SLC6A11: variants seen among roughly 807,000 people sequenced by gnomAD.
SLC6A11 encodes sodium- and chloride-dependent GABA transporter 3.
Under a neutral mutation model 74.8 loss-of-function variants are expected in SLC6A11, and 25 were observed. The observed-to-expected ratio is 0.33, with a 90% CI of 0.24 to 0.47. The LOEUF is 0.47. Ranked by LOEUF, SLC6A11 falls within the 20% of genes least tolerant of loss-of-function variation. The pLI is 1.00. For missense variants in SLC6A11, 574 were observed against 837.0 expected (o/e 0.69, Z 3.88); for synonymous variants, 330 against 330.2 (o/e 1.00, Z 0.01).
chr3:10,915,208 G>T lies in SLC6A11; in HGVS notation c.995+3015G>T, dbSNP rs542423365. Among the ~76,000 whole-genome samples the T allele has an allele frequency of 6.6e-6, 1 of 152,216 alleles. No individual in the cohort carries two copies. Among genetic ancestry groups the T allele is most frequent in the South Asian group, 2.1e-4 (1 of 4,816 alleles). ...CAGCTACTGGAGTTGAAGAGGGTTT[G>T]GCCAAAACTGCCTTGTCTCCAGCCT... is the stretch of plus-strand genomic sequence containing the variant. On this transcript the variant is annotated intron_variant, in intron 7 of 13. Transcript: ENST00000254488. This position sits in a 1 kb window ranked among gnomAD's most constrained non-coding sequence, Gnocchi z 4.3.
chr3:10,931,631 C>T (rs148969122), intron 10 of SLC6A11, among the ~76,000 whole-genome samples: 530 of 152,296 alleles, frequency 3.5e-3, no homozygotes, highest in Non-Finnish European at 5.6e-3. Context: ...TACAAATCTG[C>T]GTTTCTGGTG....
At chr3:10,822,705 A>G (rs180776201) in intron 3 of SLC6A11, among the ~76,000 whole-genome samples, 1 of 152,332 alleles carries the variant, frequency 6.6e-6, no homozygotes, top group African/African-American at 2.4e-5. Context: ...CTGGGACATC[A>G]AATTTCGTGA....
At position 10,837,544 on chromosome 3, in the gene SLC6A11, T is replaced by C. The variant is rs187315704; in HGVS notation, c.624-6670T>C. Reference sequence around the variant, plus strand: ...GCCTGAGCCACAGTTTCCTTATCTGTAGAGTGGAAATAATAGCTGTCCTCA... The same window carrying C: ...GCCTGAGCCACAGTTTCCTTATCTGCAGAGTGGAAATAATAGCTGTCCTCA... On this transcript the variant is annotated intron_variant, in intron 4 of 13. Coordinates refer to ENST00000254488, the MANE Select transcript of SLC6A11 (RefSeq NM_014229.3). Among the ~76,000 whole-genome samples, 760 of 152,276 alleles carry C rather than the reference T, an allele frequency of 5.0e-3. 1 individual carries two copies. Among genetic ancestry groups the C allele is most frequent in the Non-Finnish European group, 7.0e-3 (473 of 68,024 alleles).
chr3:10,859,731 A>G (rs1694681181), intron 5 of SLC6A11, among the ~76,000 whole-genome samples: 1 of 152,222 alleles, frequency 6.6e-6, no homozygotes, highest in East Asian at 1.9e-4. Flanking sequence ...CCAAAATGAG[A>G]AACCTCTAAT....
At chr3:10,843,966 C>T (rs1016959923) in intron 4 of SLC6A11, among the ~76,000 whole-genome samples, 4 of 152,210 alleles carry the variant, frequency 2.6e-5, no homozygotes, top group South Asian at 2.1e-4. Flanking sequence ...GCCCTTTCCA[C>T]GCTGTTCTTG....
At chr3:10,904,760 G>A (rs1013101137) in intron 6 of SLC6A11, among the ~76,000 whole-genome samples, 1 of 152,126 alleles carries the variant, frequency 6.6e-6, no homozygotes, top group Non-Finnish European at 1.5e-5. Flanking sequence ...GGCCTACTCA[G>A]CAGACCAGGA....
chr3:10,889,963 A>G (rs1327825370), intron 6 of SLC6A11, among the ~76,000 whole-genome samples: 1 of 152,208 alleles, frequency 6.6e-6, no homozygotes, highest in East Asian at 1.9e-4. Context: ...TCCCTTCAAC[A>G]ATTTCCACTT....
At chr3:10,841,953 C>T (rs558804005) in intron 4 of SLC6A11, among the ~76,000 whole-genome samples, 13 of 152,326 alleles carry the variant, frequency 8.5e-5, no homozygotes, top group African/African-American at 2.9e-4. Flanking sequence ...TGGGCTGTTT[C>T]CGTCAGCAGC....
At chr3:10,916,309 T>C (rs73812336) in intron 7 of SLC6A11, among the ~76,000 whole-genome samples, 2,640 of 152,268 alleles carry the variant, frequency 0.017, 83 homozygotes, top group African/African-American at 0.06. Context: ...GAAGAGTTAT[T>C]TGAAGGGACC....
intron 7 of SLC6A11, among the ~76,000 whole-genome samples, chr3:10,913,725 G>T (rs764843444): frequency 6.6e-6 from 1 of 152,044 alleles, no homozygotes; most frequent in East Asian, 1.9e-4. Flanking sequence ...ACGGAGTCTC[G>T]CTCAGTCACC....
intron 5 of SLC6A11, among the ~76,000 whole-genome samples, chr3:10,849,588 T>C (rs1488769807): frequency 1.3e-5 from 2 of 152,188 alleles, no homozygotes; most frequent in Non-Finnish European, 2.9e-5. Flanking sequence ...CCCTAGCACC[T>C]CCAGAATGAA....
intron 7 of SLC6A11, among the ~76,000 whole-genome samples, chr3:10,913,497 T>G (rs1458463877): frequency 2.0e-5 from 3 of 152,244 alleles, no homozygotes; most frequent in Non-Finnish European, 2.9e-5. Context: ...ACGTATTGCT[T>G]TTATAATTTT....
At chr3:10,886,783 G>C (rs1019350198) in intron 6 of SLC6A11, among the ~76,000 whole-genome samples, 2 of 149,038 alleles carry the variant, frequency 1.3e-5, no homozygotes, top group African/African-American at 2.5e-5. Context: ...TTCCAGCCTG[G>C]GCAACAAGAG....
chr3:10,919,127 C>T (rs1695500097), intron 8 of SLC6A11, among the ~76,000 whole-genome samples: 1 of 152,144 alleles, frequency 6.6e-6, no homozygotes, highest in Non-Finnish European at 1.5e-5. Flanking sequence ...CATAGAATCA[C>T]CATGAGTGTG....
chr3:10,827,532 C>T (rs998178048), intron 4 of SLC6A11, among the ~76,000 whole-genome samples: 44 of 152,292 alleles, frequency 2.9e-4, no homozygotes, highest in African/African-American at 1.1e-3. Flanking sequence ...GTTTGGTGGG[C>T]TCCAGTTGTC....
chr3:10,892,485 C>G (rs1431147608), intron 6 of SLC6A11, among the ~76,000 whole-genome samples: 2 of 152,164 alleles, frequency 1.3e-5, no homozygotes, highest in Non-Finnish European at 2.9e-5. Flanking sequence ...AGCTCCACCA[C>G]CGACCTTGAA....
chr3:10,926,564 T>A lies in SLC6A11; in HGVS notation c.1233+448T>A, dbSNP rs1695610063. Among the ~76,000 whole-genome samples the A allele has an allele frequency of 1.3e-5, 2 of 151,912 alleles. No individual in the cohort carries two copies. On this transcript the variant is annotated intron_variant, in intron 9 of 13. Coordinates refer to ENST00000254488, the MANE Select transcript of SLC6A11 (RefSeq NM_014229.3). This position sits in a 1 kb window ranked among gnomAD's most constrained non-coding sequence, Gnocchi z 5.7. ...CACGGACACATAGAAAAGCACCTCC[T>A]CTTCCTCCATCTCTGTCCTGGATGC...
rs569371743 is a variant in SLC6A11, at chr3:10,864,413, C to T, written c.757-10548C>T. 2.6e-4 allele frequency among the ~76,000 whole-genome samples: 39 copies of T among 151,800 alleles called. 1 individual carries two copies. The highest frequency in any genetic ancestry group is 1.8e-3 in the Admixed American group (27 of 15,280). ...TTCCCCCCAGTAACTGCGCGTGAGC[C>T]CCTAGCAACCATGTACCCCTCAATG... On this transcript the variant is annotated intron_variant, in intron 5 of 13. Coordinates refer to ENST00000254488, the MANE Select transcript of SLC6A11 (RefSeq NM_014229.3).
chr3:10,849,794 C>CAAAAAAAAAAAAA (rs56099322), intron 5 of SLC6A11, among the ~76,000 whole-genome samples: 1 of 87,246 alleles, frequency 1.1e-5, no homozygotes, highest in Non-Finnish European at 2.2e-5. Context: ...TTGTTGAAGC[C>CAAAAAAAAAAAAA]AAAAAAAAAA....
Sources: allele counts gnomAD v4.1 joint callset (sites outside exome capture counted in the v4.1 genomes callset), GRCh38; gene constraint gnomAD v4.1.1; non-coding constraint Gnocchi (gnomAD v3.1); transcripts MANE v1.5; gene names NCBI Gene and HGNC (gene_info 2026-07-23, HGNC 2026-07-21).